The following SYN3 variants were observed in gnomAD, a reference collection of about 807,000 sequenced individuals.
SYN3 encodes synapsin-3.
A neutral mutation model predicts 65.8 loss-of-function variants in SYN3; 35 were observed. The observed-to-expected ratio is 0.53, with a 90% confidence interval of 0.41 to 0.70. SYN3 has a LOEUF of 0.70. Among genes scored for constraint, SYN3 ranks in the 30% least tolerant of loss-of-function variants. The pLI, the probability that SYN3 is intolerant of heterozygous loss-of-function variation, is 0.00. For synonymous variants in SYN3, 270 were observed against 292.9 expected, an observed-to-expected ratio of 0.92 and a Z score of 0.80; for missense variants, 680 against 749.0, an observed-to-expected ratio of 0.91 and a Z score of 1.08.
chr22:32,755,379 C>T (rs1290046714), intron 6 of SYN3, among the ~76,000 whole-genome samples: 2 of 152,136 alleles, frequency 1.3e-5, no homozygotes, highest in Non-Finnish European at 2.9e-5. Flanking sequence ...TCTTGAGAGC[C>T]CTTGAAAGCT....
chr22:32,782,681 C>G (rs567172888), intron 6 of SYN3, among the ~76,000 whole-genome samples: 1 of 152,160 alleles, frequency 6.6e-6, no homozygotes, highest in Admixed American at 6.5e-5. Context: ...CCACAGCCGG[C>G]TAATTTTTTG....
intron 6 of SYN3, among the ~76,000 whole-genome samples, chr22:32,670,061 G>A (rs2060339882): frequency 6.6e-6 from 1 of 152,156 alleles, no homozygotes; most frequent in South Asian, 2.1e-4. Context: ...CACTGCATAA[G>A]AAAATTAAAC....
chr22:32,735,049 G>A (rs926289263), intron 6 of SYN3, among the ~76,000 whole-genome samples: 1 of 152,176 alleles, frequency 6.6e-6, no homozygotes, highest in Non-Finnish European at 1.5e-5. Flanking sequence ...TTTGGGGGTG[G>A]AAGTGAGAGG....
chr22:32,538,547 TCTGA>T (rs1182059244), intron 8 of SYN3, among the ~76,000 whole-genome samples: 1 of 152,182 alleles, frequency 6.6e-6, no homozygotes, highest in Non-Finnish European at 1.5e-5. Flanking sequence ...CCTTCTGGTC[TCTGA>T]CTGTCTTGCC....
intron 3 of SYN3, among the ~76,000 whole-genome samples, chr22:32,952,256 T>C (rs1351706137): frequency 6.7e-6 from 1 of 149,650 alleles, no homozygotes. Flanking sequence ...ATTGAATGAG[T>C]GTGTGTGTGC....
At chr22:32,633,501 G>A (rs150879139) in intron 6 of SYN3, among the ~76,000 whole-genome samples, 4 of 152,180 alleles carry the variant, frequency 2.6e-5, no homozygotes, top group Non-Finnish European at 4.4e-5. Context: ...TTGGTCCTAC[G>A]TGCGTAGGCA....
chr22:32,551,824 A>G (rs1341994897), intron 7 of SYN3, among the ~76,000 whole-genome samples: 3 of 152,236 alleles, frequency 2.0e-5, no homozygotes, highest in Non-Finnish European at 4.4e-5. Context: ...AGTGATCTAC[A>G]GAGACAGGAA....
intron 1 of SYN3, among the ~76,000 whole-genome samples, chr22:33,035,956 A>G (rs779258847): frequency 3.3e-5 from 5 of 152,186 alleles, no homozygotes; most frequent in Non-Finnish European, 7.4e-5. Context: ...GGTCCAGGAC[A>G]AAGTCAAGAC....
At chr22:32,713,779 C>T (rs932746687) in intron 6 of SYN3, among the ~76,000 whole-genome samples, 2 of 149,708 alleles carry the variant, frequency 1.3e-5, no homozygotes, top group Admixed American at 6.7e-5. Flanking sequence ...TGCAGTGAGC[C>T]GAGATTGTGC....
chr22:33,020,783 G>A (rs1169795862), intron 1 of SYN3, among the ~76,000 whole-genome samples: 1 of 152,186 alleles, frequency 6.6e-6, no homozygotes, highest in Non-Finnish European at 1.5e-5. Flanking sequence ...GGTAGACAGA[G>A]GCAGTAAGCT....
intron 6 of SYN3, among the ~76,000 whole-genome samples, chr22:32,724,787 G>C (rs2061167028): frequency 6.6e-6 from 1 of 152,132 alleles, no homozygotes; most frequent in Non-Finnish European, 1.5e-5. Context: ...TGAAAAACCT[G>C]GCCCCAGGGA....
At chr22:33,028,521 T>A (rs1464174602) in intron 1 of SYN3, among the ~76,000 whole-genome samples, 1 of 152,160 alleles carries the variant, frequency 6.6e-6, no homozygotes. Flanking sequence ...ACGGCCCAGA[T>A]TTATAGCCTG....
At chr22:32,693,994 CT>C (rs1486821888) in intron 6 of SYN3, among the ~76,000 whole-genome samples, 1 of 151,782 alleles carries the variant, frequency 6.6e-6, no homozygotes, top group Admixed American at 6.6e-5. Flanking sequence ...ATTTTATTCT[CT>C]TTTTTAAAAT....
intron 3 of SYN3, among the ~76,000 whole-genome samples, chr22:32,960,240 G>T (rs1326478305): frequency 6.6e-6 from 1 of 152,114 alleles, no homozygotes; most frequent in African/African-American, 2.4e-5. Context: ...ACCAACGCAG[G>T]CTCAACCTCC....
At chr22:32,896,402 G>A (rs2049594651) in intron 4 of SYN3, among the ~76,000 whole-genome samples, 1 of 152,200 alleles carries the variant, frequency 6.6e-6, no homozygotes. Context: ...GCTGCAGTGA[G>A]TTGAGGTTGC....
intron 6 of SYN3, among the ~76,000 whole-genome samples, chr22:32,753,025 G>A (rs2045179222): frequency 6.6e-6 from 1 of 152,124 alleles, no homozygotes; most frequent in African/African-American, 2.4e-5. Context: ...AAACAACATG[G>A]ACTTCCTCCT....
intron 7 of SYN3, among the ~76,000 whole-genome samples, chr22:32,550,356 A>C (rs17773117): frequency 0.1 from 11,386 of 109,312 alleles, 464 homozygotes; most frequent in East Asian, 0.2. Flanking sequence ...TAATTTGTTT[A>C]ACCACATTAA....
In SYN3 at chr22:32,865,155, C is replaced by T. The variant is rs191177807; in HGVS notation, c.622-151G>A. 1.5e-4 allele frequency: 96 copies of T among 635,910 alleles called. No homozygotes were observed. The African/African-American group carries it at 1.5e-3, about 10-fold the overall frequency. 39.4% of individuals were successfully genotyped at this position (635,910 alleles called of 1,614,324 possible). A position where few individuals can be genotyped will look rare whatever the true frequency, so the allele number is the denominator to read the frequency against. ...CTGCCTATAGGATAAAGACCAGATT[C>T]CTTGGCTGGACATTCATCCTCTCCA... On this transcript the variant is annotated intron_variant, in intron 5 of 13. Transcript: ENST00000358763.
intron 2 of SYN3, among the ~76,000 whole-genome samples, chr22:32,991,356 T>C (rs1321716008): frequency 6.7e-6 from 1 of 148,200 alleles, no homozygotes; most frequent in Non-Finnish European, 1.5e-5. Flanking sequence ...ATAATAATAA[T>C]AATAATAATA....
Sources: gnomAD v4.1 joint callset for allele counts (sites outside exome capture counted in the v4.1 genomes callset) on GRCh38, gnomAD v4.1.1 for gene constraint, MANE v1.5 for transcripts, NCBI Gene and HGNC (gene_info 2026-07-23, HGNC 2026-07-21) for gene names.